Variants in SVEP1 observed in about 807,000 individuals in gnomAD.
SVEP1 encodes the protein sushi, von Willebrand factor type A, EGF and pentraxin domain containing 1.
SVEP1 carries 164 observed loss-of-function variants against 367.3 expected under a neutral mutation model. The observed-to-expected ratio is 0.45, with a 90% CI of 0.39 to 0.51. The LOEUF is 0.51. Among genes scored for constraint, SVEP1 ranks in the 20% least tolerant of loss-of-function variants. The probability of loss-of-function intolerance (pLI) is 0.00; values close to 1 mark genes in which losing one functional copy is unlikely to be tolerated. For synonymous variants in SVEP1, 1,666 were observed against 1,611.6 expected (o/e 1.03, Z -0.81); for missense variants, 4,117 against 4,425.3 (o/e 0.93, Z 1.98).
intron 46 of SVEP1, among the ~76,000 whole-genome samples, chr9:110,371,528 G>T (rs1313967254): frequency 6.6e-6 from 1 of 151,912 alleles, no homozygotes. Flanking sequence ...TCATCCAACT[G>T]CTTATCACTT....
At chr9:110,534,987 T>C (rs1830062369) in intron 3 of SVEP1, among the ~76,000 whole-genome samples, 1 of 152,194 alleles carries the variant, frequency 6.6e-6, no homozygotes, top group Admixed American at 6.6e-5. Context: ...AGTCTGTTGA[T>C]AGTTTCCTTT....
In SVEP1 at chr9:110,404,446, G is replaced by A. The variant is rs754846748; in HGVS notation, c.9547C>T (p.Leu3183Phe). The part of the protein sequence containing the change: ...RISCSPKKCP[L>F]PENITHILVH... ...AGTATATGTGTTATGTTTTCCGGGA[G>A]AGGACATTTTTTAGGACTGCAGGAG... Residue 3183 changes from leucine to phenylalanine, a missense_variant, in exon 39 of 48, where the codon CTC (leucine) becomes TTC (phenylalanine). Physicochemically the swap from Leu to Phe is conservative, Grantham distance 22 (BLOSUM62 0). Coordinates refer to ENST00000374469, the MANE Select transcript of SVEP1 (RefSeq NM_153366.4). The A allele has an allele frequency of 8.1e-6, 13 of 1,614,004 alleles. No homozygotes were observed. The highest frequency in any genetic ancestry group is 1.0e-5 in the Non-Finnish European group (12 of 1,179,892).
intron 1 of SVEP1, among the ~76,000 whole-genome samples, chr9:110,566,710 AG>A (rs1220429948): frequency 1.3e-5 from 2 of 152,216 alleles, no homozygotes; most frequent in Non-Finnish European, 2.9e-5. Flanking sequence ...GAGCAGAAAA[AG>A]AACTATCTGA....
chr9:110,451,466 C>A, intron 22 of SVEP1, 64 bp from the exon 23 acceptor site: 2 of 1,208,590 alleles, frequency 1.7e-6, no homozygotes, highest in Non-Finnish European at 2.4e-6. Flanking sequence ...CCAATAGTTT[C>A]CAAGCAAGTT....
At chr9:110,536,613 G>GA (rs1830083035) in intron 3 of SVEP1, among the ~76,000 whole-genome samples, 1 of 151,902 alleles carries the variant, frequency 6.6e-6, no homozygotes, top group Non-Finnish European at 1.5e-5. Flanking sequence ...GCCCCGAGGT[G>GA]AAAAATCTTT....
intron 1 of SVEP1, among the ~76,000 whole-genome samples, chr9:110,553,643 A>G (rs1019054745): frequency 1.3e-5 from 2 of 152,190 alleles, no homozygotes; most frequent in African/African-American, 4.8e-5. Flanking sequence ...AGGCCCAGGT[A>G]TTTCAAGGCC....
intron 46 of SVEP1, among the ~76,000 whole-genome samples, chr9:110,374,365 A>G (rs1025715569): frequency 7.9e-5 from 12 of 152,232 alleles, no homozygotes; most frequent in Admixed American, 6.5e-4. Flanking sequence ...AAGTAAAAAA[A>G]TAGGCTGGAT....
intron 26 of SVEP1, among the ~76,000 whole-genome samples, chr9:110,445,077 C>T (rs1828568516): frequency 6.6e-6 from 1 of 152,152 alleles, no homozygotes; most frequent in Non-Finnish European, 1.5e-5. Context: ...ATGTGGTGCA[C>T]CACAGAATCT....
chr9:110,458,998 A>C lies in SVEP1; in HGVS notation c.3438T>G (p.Tyr1146Ter). Residue 1146 changes from tyrosine (Y) to a stop codon, truncating the protein, a stop_gained, in exon 19 of 48, where the codon TAT becomes TAG. Coordinates refer to ENST00000374469, the MANE Select transcript of SVEP1 (RefSeq NM_153366.4). LOFTEE classifies it high-confidence loss of function. ...GKAFCLACPF[Y>*]GTTPFAGSRS... ...TGGAACCAGCGAATGGGGTAGTTCC[A>C]TAAAAGGGACAGGCCAGGCAGAAGG... 6.2e-7 allele frequency: 1 copy of C among 1,613,882 alleles called. No homozygotes were observed. Among genetic ancestry groups the C allele is most frequent in the Non-Finnish European group, 8.5e-7 (1 of 1,179,774 alleles).
rs1030145748 is a variant in SVEP1 at position 110,391,689 on chromosome 9, G to A, written c.9823-2102C>T. Among the ~76,000 whole-genome samples, 6 of 152,132 alleles carry A rather than the reference G, an allele frequency of 3.9e-5. 1 individual carries two copies. On this transcript the variant is annotated intron_variant, in intron 40 of 47. Coordinates refer to ENST00000374469, the MANE Select transcript of SVEP1 (RefSeq NM_153366.4). Reference sequence around the variant, plus strand: ...CGATAATAGTGATTGCTCTCACTCTGAGCTCCATGTTAGAATCACCTAAGA... The same window carrying A: ...CGATAATAGTGATTGCTCTCACTCTAAGCTCCATGTTAGAATCACCTAAGA...
At chr9:110,571,631 T>C (rs1227733083) in intron 1 of SVEP1, among the ~76,000 whole-genome samples, 2 of 152,174 alleles carry the variant, frequency 1.3e-5, no homozygotes, top group South Asian at 2.1e-4. Context: ...TTTAAGCTAG[T>C]GGTACCTCAG....
chr9:110,461,137 C>T (rs564966093), intron 18 of SVEP1, among the ~76,000 whole-genome samples: 7 of 152,184 alleles, frequency 4.6e-5, no homozygotes, highest in African/African-American at 1.7e-4. Context: ...TTGCCATTAA[C>T]GAGTGGAATA....
At chr9:110,431,275 C>T (rs1300185295) in intron 32 of SVEP1, among the ~76,000 whole-genome samples, 2 of 152,130 alleles carry the variant, frequency 1.3e-5, no homozygotes, top group Non-Finnish European at 2.9e-5. Context: ...TAAAATCCTG[C>T]TCTCAAACTA....
In SVEP1 at chr9:110,377,428, T is replaced by C. The variant is rs111701500; in HGVS notation, c.10409-62A>G. The C allele has an allele frequency of 7.1e-3, 10,599 of 1,483,680 alleles. 635 individuals are homozygous for C. In the African/African-American group the frequency reaches 0.13, roughly 18 times the overall value. The allele number at this position is 1,483,680 out of a possible 1,614,324, so 91.9% of individuals were successfully genotyped here. On this transcript the variant is annotated intron_variant, in intron 44 of 47. Transcript: ENST00000374469. ...ATTATGAAGGGAAGGAGTCAGAAAATAGAATTGCCCCTTTATATCTCATAC... is the reference window on the plus strand; with the variant it reads ...ATTATGAAGGGAAGGAGTCAGAAAACAGAATTGCCCCTTTATATCTCATAC...
At chr9:110,390,333 ACACATACT>A (rs1827631069) in intron 40 of SVEP1, among the ~76,000 whole-genome samples, 2 of 33,826 alleles carry the variant, frequency 5.9e-5, no homozygotes, top group Admixed American at 2.7e-4. Context: ...ACTTATATAT[ACACATACT>A]TATATACACT....
At chr9:110,493,050 T>A (rs1378796200) in intron 8 of SVEP1, among the ~76,000 whole-genome samples, 2 of 151,998 alleles carry the variant, frequency 1.3e-5, no homozygotes, top group African/African-American at 4.8e-5. Context: ...TGAAGTGACA[T>A]AGGCTGAAAG....
intron 1 of SVEP1, among the ~76,000 whole-genome samples, chr9:110,558,549 C>T (rs1830384024): frequency 6.7e-6 from 1 of 148,528 alleles, no homozygotes; most frequent in South Asian, 2.1e-4. Context: ...TAAAATGGTG[C>T]TTGTATTACT....
At position 110,548,966 on chromosome 9, in the gene SVEP1, AT is replaced by A. The variant is rs142624209; in HGVS notation, c.787+882del. On this transcript the variant is annotated intron_variant, in intron 2 of 47. Coordinates refer to ENST00000374469, the MANE Select transcript of SVEP1 (RefSeq NM_153366.4). Reference sequence around the variant, plus strand: ...AGCGAGACACCATCTTTATTTATTTATTTTTTTTAAAAAGAAACTCCAGTAG... The same window carrying A: ...AGCGAGACACCATCTTTATTTATTTATTTTTTTAAAAAGAAACTCCAGTAG... Among the ~76,000 whole-genome samples the A allele has an allele frequency of 3.4e-3, 510 of 152,050 alleles. 11 individuals are homozygous for A. In the East Asian group the frequency reaches 0.06, roughly 18 times the overall value.
At chr9:110,500,990 G>A (rs1455693267) in intron 6 of SVEP1, among the ~76,000 whole-genome samples, 1 of 151,122 alleles carries the variant, frequency 6.6e-6, no homozygotes, top group African/African-American at 2.4e-5. Flanking sequence ...TTTGCATTCA[G>A]TGTAGTACAT....
Sources: gnomAD v4.1 joint callset for allele counts (sites outside exome capture counted in the v4.1 genomes callset) on GRCh38, gnomAD v4.1.1 for gene constraint, MANE v1.5 for transcripts, NCBI Gene and HGNC (gene_info 2026-07-23, HGNC 2026-07-21) for gene names.